Variants in METTL25 observed in about 807,000 individuals in gnomAD.
The protein encoded by METTL25 is probable methyltransferase-like protein 25.
A neutral mutation model predicts 71.6 loss-of-function variants in METTL25; 64 were observed. That is an observed-to-expected ratio of 0.89 (90% CI 0.73 to 1.10). The LOEUF (loss-of-function observed/expected upper bound fraction) is 1.10. METTL25 is among the 50% of genes least tolerant of loss of function. The pLI, the probability that METTL25 is intolerant of heterozygous loss-of-function variation, is 0.00. For synonymous variants in METTL25, 287 were observed against 250.3 expected, an observed-to-expected ratio of 1.15 and a Z score of -1.38; for missense variants, 807 against 707.0, an observed-to-expected ratio of 1.14 and a Z score of -1.60.
chr12:82,479,107 A>G lies in METTL25; in HGVS notation c.*83A>G, dbSNP rs1893052830. 1.8e-6 allele frequency: 2 copies of G among 1,092,472 alleles called. No individual in the cohort carries two copies. The highest frequency in any genetic ancestry group is 2.7e-6 in the Non-Finnish European group (2 of 738,250). The allele number at this position is 1,092,472 out of a possible 1,614,324, so 67.7% of individuals were successfully genotyped here. On this transcript the variant is annotated 3_prime_UTR_variant, in exon 12 of 12. Transcript: ENST00000248306. ...CTTTTCTAAACATATATGTCCTGTT[A>G]TACAAAAATTTTTAAATGACTGTTA...
intron 8 of METTL25, among the ~76,000 whole-genome samples, chr12:82,452,009 C>G (rs1045243244): frequency 6.6e-6 from 1 of 151,908 alleles, no homozygotes; most frequent in African/African-American, 2.4e-5. Context: ...CCATAAGGCT[C>G]TATGTGTTAA....
chr12:82,435,924 A>G (rs1318372936), intron 7 of METTL25, among the ~76,000 whole-genome samples: 1 of 151,474 alleles, frequency 6.6e-6, no homozygotes, highest in African/African-American at 2.4e-5. Context: ...ACATAGTACT[A>G]TATAGTATGT....
chr12:82,377,664 A>G (rs1884011192), intron 1 of METTL25, among the ~76,000 whole-genome samples: 2 of 152,218 alleles, frequency 1.3e-5, no homozygotes, highest in Admixed American at 6.5e-5. Context: ...TTGAATATTT[A>G]AAATAATCTC....
At chr12:82,467,718 T>G (rs1389681904) in intron 9 of METTL25, among the ~76,000 whole-genome samples, 1 of 152,126 alleles carries the variant, frequency 6.6e-6, no homozygotes, top group African/African-American at 2.4e-5. Flanking sequence ...TAGAATTCTT[T>G]ATTTGTTCTT....
At chr12:82,465,048 AAG>A (rs1892138332) in intron 9 of METTL25, among the ~76,000 whole-genome samples, 1 of 151,902 alleles carries the variant, frequency 6.6e-6, no homozygotes. Flanking sequence ...GTCATCTGGA[AAG>A]AGGGATAATT....
chr12:82,366,280 A>G (rs1882564205), intron 1 of METTL25, among the ~76,000 whole-genome samples: 1 of 152,160 alleles, frequency 6.6e-6, no homozygotes, highest in Non-Finnish European at 1.5e-5. Flanking sequence ...GGATAGCCTA[A>G]TGAACTCTCA....
chr12:82,412,459 G>T (rs1462003679), intron 5 of METTL25, among the ~76,000 whole-genome samples: 1 of 152,078 alleles, frequency 6.6e-6, no homozygotes, highest in African/African-American at 2.4e-5. Flanking sequence ...AATGTGGTCA[G>T]TTTCAAGCTA....
chr12:82,370,617 GA>G (rs1487095325), intron 1 of METTL25, among the ~76,000 whole-genome samples: 11 of 152,204 alleles, frequency 7.2e-5, no homozygotes, highest in Admixed American at 7.2e-4. Context: ...GGATTGTAAA[GA>G]GAAGACCTTC....
At chr12:82,385,172 A>G (rs1884857399) in intron 1 of METTL25, among the ~76,000 whole-genome samples, 1 of 152,114 alleles carries the variant, frequency 6.6e-6, no homozygotes, top group Non-Finnish European at 1.5e-5. Context: ...TATTCATATT[A>G]ATGAATTTGG....
At chr12:82,464,942 A>AT (rs1240725893) in intron 9 of METTL25, among the ~76,000 whole-genome samples, 10 of 151,434 alleles carry the variant, frequency 6.6e-5, no homozygotes, top group Admixed American at 2.6e-4. Flanking sequence ...TAATTTTTGT[A>AT]TGTTGATTTT....
chr12:82,400,651 T>C lies in METTL25; in HGVS notation c.1131+1257T>C, dbSNP rs1331036561. Among the ~76,000 whole-genome samples, 8 of 152,250 alleles carry C rather than the reference T, an allele frequency of 5.3e-5. No individual in the cohort carries two copies. In the South Asian group the frequency reaches 1.7e-3, roughly 32 times the overall value. ...TTTTCTCAAAATCTTGCTGAAAATA[T>C]ATGATCAAAACTGTATACAAATTCT... On this transcript the variant is annotated intron_variant, in intron 4 of 11. Transcript: ENST00000248306.
At chr12:82,416,900 G>A (rs945409721) in intron 5 of METTL25, among the ~76,000 whole-genome samples, 6 of 151,930 alleles carry the variant, frequency 3.9e-5, no homozygotes, top group Admixed American at 6.6e-5. Flanking sequence ...TATATACTTG[G>A]CCTTATTTAA....
intron 8 of METTL25, among the ~76,000 whole-genome samples, chr12:82,444,216 A>G (rs1352099547): frequency 6.6e-6 from 1 of 152,184 alleles, no homozygotes; most frequent in South Asian, 2.1e-4. Flanking sequence ...CTGGCAACAA[A>G]CTTCTCAGTG....
chr12:82,384,421 C>T (rs1245912667), intron 1 of METTL25, among the ~76,000 whole-genome samples: 1 of 125,852 alleles, frequency 7.9e-6, no homozygotes, highest in Non-Finnish European at 1.6e-5. Flanking sequence ...CTCCCCCCTC[C>T]CTCTCTCTGA....
chr12:82,430,624 T>G (rs1889402944), intron 5 of METTL25, among the ~76,000 whole-genome samples: 1 of 151,888 alleles, frequency 6.6e-6, no homozygotes, highest in East Asian at 1.9e-4. Context: ...TTTAAATTGC[T>G]AAATCTTACA....
chr12:82,430,910 TG>T lies in METTL25; in HGVS notation c.1301del (p.Gly434AspfsTer8). 1 of 1,592,914 alleles carries T rather than the reference TG, an allele frequency of 6.3e-7. No homozygotes were observed. The highest frequency in any genetic ancestry group is 8.6e-7 in the Non-Finnish European group (1 of 1,165,972). Reference sequence around the variant, plus strand: ...ATCTGCAGAACGTACTCAGGAAAAGTGGGGATTTCCAATGTGCCACTATTTA... The same window carrying T: ...ATCTGCAGAACGTACTCAGGAAAAGTGGGATTTCCAATGTGCCACTATTTA... Reference protein sequence around the residue: ...NQHKERTQEKWGFPMCHYLKE... With the variant: ...NQHKERTQEKXGFPMCHYLKE... On this transcript the variant is annotated frameshift_variant, in exon 6 of 12. Transcript: ENST00000248306. LOFTEE classifies it high-confidence loss of function.
intron 8 of METTL25, among the ~76,000 whole-genome samples, chr12:82,452,428 A>G (rs1891215359): frequency 1.3e-5 from 2 of 152,174 alleles, no homozygotes; most frequent in African/African-American, 2.4e-5. Context: ...ACTTGAGCCA[A>G]TGAGTTTGAG....
intron 1 of METTL25, among the ~76,000 whole-genome samples, chr12:82,378,010 A>G (rs1592607238): frequency 6.7e-6 from 1 of 150,006 alleles, no homozygotes; most frequent in Non-Finnish European, 1.5e-5. Context: ...CTTCTTCTCT[A>G]TTTTTTTTTC....
chr12:82,389,640 C>T (rs981772381), intron 2 of METTL25, among the ~76,000 whole-genome samples, 176 bp from the exon 3 acceptor site: 5 of 151,890 alleles, frequency 3.3e-5, no homozygotes, highest in Non-Finnish European at 7.4e-5. Context: ...TTTACATTTA[C>T]TTTATTAATT....
Sources: gnomAD v4.1 joint callset for allele counts (sites outside exome capture counted in the v4.1 genomes callset) on GRCh38, gnomAD v4.1.1 for gene constraint, MANE v1.5 for transcripts, NCBI Gene and HGNC (gene_info 2026-07-23, HGNC 2026-07-21) for gene names.